Variants in ZNF256 observed in about 807,000 individuals in gnomAD.
The protein encoded by ZNF256 is zinc finger protein 256.
ZNF256 carries 4 observed loss-of-function variants against 7.9 expected under a neutral mutation model. That is an observed-to-expected ratio of 0.50 (90% CI 0.25 to 1.15). The LOEUF (loss-of-function observed/expected upper bound fraction) is 1.15, where lower values mean the gene tolerates loss of function less well. Among genes scored for constraint, ZNF256 ranks in the 50% most tolerant of loss-of-function variants. The probability of loss-of-function intolerance (pLI) is 0.15; values close to 1 mark genes in which losing one functional copy is unlikely to be tolerated. For missense variants in ZNF256, 666 were observed against 755.9 expected (o/e 0.88, Z 1.39); for synonymous variants, 260 against 260.4 (o/e 1.00, Z 0.02).
At position 57,942,613 on chromosome 19, in the gene ZNF256, A is replaced by C; in HGVS notation, c.195T>G (p.Tyr65Ter). The C allele has an allele frequency of 1.2e-6, 2 of 1,614,056 alleles. No homozygotes were observed. Among genetic ancestry groups the C allele is most frequent in the Middle Eastern group, 3.3e-4 (2 of 6,060 alleles). The change falls in exon 3 of 3, where the codon TAT (tyrosine) becomes TAG (stop). Residue 65 changes from tyrosine (Y) to a stop codon, truncating the protein, a stop_gained. Transcript: ENST00000282308. LOFTEE classifies it low-confidence loss of function (END_TRUNC). ...CCCGCTGTGGAGAAGTGCTCTGCTG[A>C]TAAGGTGCCTCCTCATCCCCTGCTC... is the stretch of plus-strand genomic sequence containing the variant. ...GSGAGDEEAP[Y>*]QQSTSPQRVS...
In ZNF256 at chr19:57,942,277, G is replaced by A. The variant is rs2072735499; in HGVS notation, c.531C>T (p.Phe177=). 3 of 1,614,072 alleles carry A rather than the reference G, an allele frequency of 1.9e-6. No individual in the cohort carries two copies. The highest frequency in any genetic ancestry group is 2.5e-6 in the Non-Finnish European group (3 of 1,180,048). Reference sequence around the variant, plus strand: ...GCTGAAGAAATCTTGATCTCACCAGGAAATCCTTCCCAACCTCCTTGCAAG... The same window carrying A: ...GCTGAAGAAATCTTGATCTCACCAGAAAATCCTTCCCAACCTCCTTGCAAG... ...PFTCKEVGKD[F]LVRSRFLQQQ... The change falls in exon 3 of 3, where the codon TTC becomes TTT. Residue 177 remains phenylalanine (F), a synonymous_variant. Transcript: ENST00000282308.
chr19:57,943,498 A>C (rs1293578295), intron 2 of ZNF256, among the ~76,000 whole-genome samples: 1 of 152,134 alleles, frequency 6.6e-6, no homozygotes, highest in Non-Finnish European at 1.5e-5. Flanking sequence ...AAAAAATAAT[A>C]ATACAAGGAG....
In ZNF256 at chr19:57,942,174, T is replaced by G. The variant is rs1394238627; in HGVS notation, c.634A>C (p.Asn212His). 1.2e-6 allele frequency: 2 copies of G among 1,614,224 alleles called. No individual in the cohort carries two copies. The highest frequency in any genetic ancestry group is 1.7e-6 in the Non-Finnish European group (2 of 1,180,042). The change falls in exon 3 of 3, where the codon AAC becomes CAC. Residue 212 changes from asparagine (N) to histidine (H), a missense_variant. Asn to His is a moderately conservative substitution (Grantham distance 68). Coordinates refer to ENST00000282308, the MANE Select transcript of ZNF256 (RefSeq NM_005773.3). Reference protein sequence around the residue: ...VAFHSVKNHYNWGECVKAFSY... With the variant: ...VAFHSVKNHYHWGECVKAFSY... ...AAAGCTTTCACACATTCTCCCCAGT[T>G]GTAATGATTTTTTACACTGTGAAAG...
Position 57,947,602 on chromosome 19 carries a change from A to G in ZNF256, c.-128T>C. ...GGGAAGACTCCTCTCGCGCCTTCTC[A>G]GTCAGTCACGGATGATGCTGACCCA... On this transcript the variant is annotated 5_prime_UTR_variant, in exon 1 of 3. Coordinates refer to ENST00000282308, the MANE Select transcript of ZNF256 (RefSeq NM_005773.3). The G allele has an allele frequency of 1.1e-6, 1 of 937,884 alleles. No homozygotes were observed. Among genetic ancestry groups the G allele is most frequent in the Non-Finnish European group, 1.4e-6 (1 of 705,104 alleles). 58.1% of individuals were successfully genotyped at this position (937,884 alleles called of 1,614,324 possible).
chr19:57,942,135 C>A lies in ZNF256; in HGVS notation c.673G>T (p.Val225Leu), dbSNP rs2072734114. Residue 225 changes from valine (V) to leucine (L), a missense_variant, in exon 3 of 3, where the codon GTA becomes TTA. By Grantham distance (32) the Val-to-Leu change is conservative. Transcript: ENST00000282308. ...ECVKAFSYKH[V>L]RVQHQGDLIR... ...AGGTCTCCCTGGTGCTGAACACGTA[C>A]ATGTTTGTAGCTGAAAGCTTTCACA... 1 of 1,614,118 alleles carries A rather than the reference C, an allele frequency of 6.2e-7. No individual in the cohort carries two copies. Among genetic ancestry groups the A allele is most frequent in the South Asian group, 1.1e-5 (1 of 91,094 alleles).
intron 2 of ZNF256, among the ~76,000 whole-genome samples, chr19:57,942,891 C>G (rs190269070): frequency 4.4e-4 from 67 of 152,306 alleles, no homozygotes; most frequent in African/African-American, 1.6e-3. Context: ...GGAGAAGAGG[C>G]AGGATATACA....
intron 1 of ZNF256, among the ~76,000 whole-genome samples, chr19:57,944,697 G>A (rs534228078): frequency 2.0e-5 from 3 of 152,198 alleles, no homozygotes; most frequent in South Asian, 2.1e-4. Context: ...GGTGGCACAC[G>A]GCTGTAGTAC....
intron 1 of ZNF256, among the ~76,000 whole-genome samples, chr19:57,946,758 G>A (rs1269804556): frequency 6.6e-6 from 1 of 152,210 alleles, no homozygotes; most frequent in Non-Finnish European, 1.5e-5. Flanking sequence ...AGCCACTGCA[G>A]TCCTGACGCC....
Position 57,941,750 on chromosome 19 carries a change from C to T in ZNF256, c.1058G>A (p.Cys353Tyr). The T allele has an allele frequency of 1.9e-6, 3 of 1,614,176 alleles. No homozygotes were observed. Among genetic ancestry groups the T allele is most frequent in the Non-Finnish European group, 2.5e-6 (3 of 1,180,008 alleles). ...RIHTGMRPYE[C>Y]SECGKSFIHS... ...GATAAAAGATTTCCCACATTCACTG[C>T]ACTCATAAGGCCTCATTCCAGTATG... The change falls in exon 3 of 3, where the codon TGC becomes TAC. Residue 353 changes from cysteine (C) to tyrosine (Y), a missense_variant. Transcript: ENST00000282308.
chr19:57,941,006 C>T lies in ZNF256; in HGVS notation c.1802G>A (p.Arg601Lys), dbSNP rs1221179783. 1.2e-6 allele frequency: 2 copies of T among 1,614,202 alleles called. No individual in the cohort carries two copies. The highest frequency in any genetic ancestry group is 1.7e-6 in the Non-Finnish European group (2 of 1,180,032). The change falls in exon 3 of 3, where the codon AGG (arginine) becomes AAG (lysine). Residue 601 changes from arginine to lysine, a missense_variant. Coordinates refer to ENST00000282308, the MANE Select transcript of ZNF256 (RefSeq NM_005773.3). ...TCCACAGTCACTACACTCATAAGGC[C>T]TTTCCCCACTGTGAATTCGCTGGTG... Reference protein sequence around the residue: ...TNHQRIHSGERPYECSDCGKF... With the variant: ...TNHQRIHSGEKPYECSDCGKF...
At position 57,947,594 on chromosome 19, in the gene ZNF256, GC is replaced by G. The variant is rs1262477986; in HGVS notation, c.-121del. 1.0e-6 allele frequency: 1 copy of G among 999,390 alleles called. No homozygotes were observed. Among genetic ancestry groups the G allele is most frequent in the Non-Finnish European group, 1.3e-6 (1 of 761,074 alleles). 61.9% of individuals were successfully genotyped at this position (999,390 alleles called of 1,614,324 possible). A position where few individuals can be genotyped will look rare whatever the true frequency, so the allele number is the denominator to read the frequency against. On this transcript the variant is annotated 5_prime_UTR_variant, in exon 1 of 3. Coordinates refer to ENST00000282308, the MANE Select transcript of ZNF256 (RefSeq NM_005773.3). ...GTGCAGCGGGGAAGACTCCTCTCGC[GC>G]CTTCTCAGTCAGTCACGGATGATGC...
In ZNF256 at chr19:57,942,115, T is replaced by C. The variant is rs1373771835; in HGVS notation, c.693A>G (p.Gly231=). The C allele has an allele frequency of 6.2e-7, 1 of 1,614,262 alleles. No individual in the cohort carries two copies. ...TGTAAGATCTTTCCCTAATGAGGTC[T>C]CCCTGGTGCTGAACACGTACATGTT... ...SYKHVRVQHQ[G]DLIRERSYMC... Residue 231 remains glycine, a synonymous_variant, in exon 3 of 3, where the codon GGA becomes GGG. Coordinates refer to ENST00000282308, the MANE Select transcript of ZNF256 (RefSeq NM_005773.3).
chr19:57,942,443 GC>G lies in ZNF256; in HGVS notation c.364del (p.Ala122HisfsTer35). On this transcript the variant is annotated frameshift_variant, in exon 3 of 3. Coordinates refer to ENST00000282308, the MANE Select transcript of ZNF256 (RefSeq NM_005773.3). LOFTEE classifies it low-confidence loss of function (END_TRUNC). ...HHGQKLYTDG[A>X]CRKQLQFTAY... The stretch of plus-strand genomic sequence containing the variant: ...AGTAAATTGTAATTGTTTCCTACAT[GC>G]CCCGTCTGTATACAGTTTCTGACCA... 6.2e-7 allele frequency: 1 copy of G among 1,614,138 alleles called. No individual in the cohort carries two copies. Among genetic ancestry groups the G allele is most frequent in the Non-Finnish European group, 8.5e-7 (1 of 1,180,034 alleles).
At chr19:57,944,623 G>C (rs1042680718) in intron 1 of ZNF256, among the ~76,000 whole-genome samples, 1 of 152,190 alleles carries the variant, frequency 6.6e-6, no homozygotes, top group African/African-American at 2.4e-5. Context: ...AAGAGATGGA[G>C]ACCATCCTGG....
intron 2 of ZNF256, 99 bp downstream of exon 2, chr19:57,943,835 G>C: frequency 6.7e-7 from 1 of 1,483,478 alleles, no homozygotes; most frequent in South Asian, 1.3e-5. Flanking sequence ...GGAACAGGAA[G>C]CTGTGTCAAT....
rs769158501 is a variant in ZNF256 at position 57,942,429 on chromosome 19, A to C, written c.379T>G (p.Leu127Val). 12 of 1,614,186 alleles carry C rather than the reference A, an allele frequency of 7.4e-6. No homozygotes were observed. In the East Asian group the frequency reaches 2.5e-4, roughly 33 times the overall value. ...LYTDGACRKQ[L>V]QFTAYLHQHQ... The stretch of plus-strand genomic sequence containing the variant: ...TGATGAAGGTATGCAGTAAATTGTA[A>C]TTGTTTCCTACATGCCCCGTCTGTA... Residue 127 changes from leucine to valine, a missense_variant, in exon 3 of 3, where the codon TTA (leucine) becomes GTA (valine). By Grantham distance (32) the Leu-to-Val change is conservative. Transcript: ENST00000282308.
At chr19:57,943,779 G>A (rs911861038) in intron 2 of ZNF256, among the ~76,000 whole-genome samples, 155 bp downstream of exon 2, 2 of 152,266 alleles carry the variant, frequency 1.3e-5, no homozygotes, top group South Asian at 2.1e-4. Context: ...AAGGAGAAAA[G>A]CAGGCAACAT....
chr19:57,941,027 T>A lies in ZNF256; in HGVS notation c.1781A>T (p.Gln594Leu), dbSNP rs2072723079. 1 of 1,614,042 alleles carries A rather than the reference T, an allele frequency of 6.2e-7. No homozygotes were observed. The highest frequency in any genetic ancestry group is 8.5e-7 in the Non-Finnish European group (1 of 1,180,044). The change falls in exon 3 of 3, where the codon CAG (glutamine) becomes CTG (leucine). Residue 594 changes from glutamine (Q) to leucine (L), a missense_variant. Physicochemically the swap from Gln to Leu is moderately radical, Grantham distance 113. Transcript: ENST00000282308. ...AGGCCTTTCCCCACTGTGAATTCGC[T>A]GGTGATTAGTGAGGTTAGAGCTCTG... ...FSQSSNLTNHQRIHSGERPYE... is the reference protein window; with the variant it reads ...FSQSSNLTNHLRIHSGERPYE...
intron 1 of ZNF256, among the ~76,000 whole-genome samples, chr19:57,947,160 G>C (rs1385976544): frequency 6.6e-6 from 1 of 152,232 alleles, no homozygotes; most frequent in Non-Finnish European, 1.5e-5. Flanking sequence ...GGCGGTATTA[G>C]ATGGGCTCAA....
Sources: allele counts gnomAD v4.1 joint callset (sites outside exome capture counted in the v4.1 genomes callset), GRCh38; gene constraint gnomAD v4.1.1; transcripts MANE v1.5; gene names NCBI Gene and HGNC (gene_info 2026-07-23, HGNC 2026-07-21).